Variants in TBC1D30 observed in about 807,000 individuals in gnomAD.
TBC1D30 encodes TBC1 domain family, member 30.
Under a neutral mutation model 63.2 loss-of-function variants are expected in TBC1D30, and 31 were observed. The observed-to-expected ratio is 0.49, with a 90% CI of 0.37 to 0.66. TBC1D30 has a LOEUF of 0.66. Ranked by LOEUF, TBC1D30 falls within the 30% of genes least tolerant of loss-of-function variation. The pLI is 0.00. For synonymous variants in TBC1D30, 307 were observed against 361.5 expected (o/e 0.85, Z 1.71); for missense variants, 810 against 953.6 (o/e 0.85, Z 1.98).
intron 1 of TBC1D30, 84 bp from the exon 2 acceptor site, chr12:64,827,750 AG>A (rs1874488461): frequency 2.1e-6 from 2 of 957,016 alleles, no homozygotes; most frequent in African/African-American, 3.3e-5. Context: ...GTGATGATTC[AG>A]TAGAATCAAG....
rs971803464 is a variant in TBC1D30 at position 64,786,552 on chromosome 12, G to T, written c.643+507G>T. The stretch of plus-strand genomic sequence containing the variant: ...TCACCTTGCTGGTCAGGCTGGTCAG[G>T]CTGATCTCAAACTCCTGATCTCAGG... On this transcript the variant is annotated intron_variant, in intron 2 of 12. Transcript: ENST00000542120. 5.3e-5 allele frequency among the ~76,000 whole-genome samples: 8 copies of T among 152,190 alleles called. No homozygotes were observed. In the South Asian group the frequency reaches 1.7e-3, roughly 32 times the overall value.
chr12:64,852,260 G>A (rs10047616), intron 8 of TBC1D30, among the ~76,000 whole-genome samples: 6,501 of 150,716 alleles, frequency 0.043, 451 homozygotes, highest in African/African-American at 0.15. Context: ...GCTTTATTTA[G>A]TCTCTGATAT....
At chr12:64,777,782 A>C (rs1310094867), upstream of TBC1D30, among the ~76,000 whole-genome samples, 1 of 152,186 alleles carries the variant, frequency 6.6e-6, no homozygotes, top group East Asian at 1.9e-4. Flanking sequence ...GGAACCAAAA[A>C]GGAGTCTTGC....
At chr12:64,836,397 G>A (rs762221826) in intron 5 of TBC1D30, 93 bp from the exon 6 acceptor site, 43 of 1,038,704 alleles carry the variant, frequency 4.1e-5, no homozygotes, top group Admixed American at 2.1e-4. Context: ...GGCTAACAGC[G>A]TTTTATCTAT....
chr12:64,804,844 C>T (rs1350978708), intron 2 of TBC1D30, among the ~76,000 whole-genome samples: 1 of 151,508 alleles, frequency 6.6e-6, no homozygotes, highest in East Asian at 1.9e-4. Context: ...ACCCTCAACC[C>T]TGTGATGTGG....
chr12:64,841,222 T>C (rs932147887), intron 7 of TBC1D30, among the ~76,000 whole-genome samples: 2 of 152,216 alleles, frequency 1.3e-5, no homozygotes, highest in African/African-American at 4.8e-5. Context: ...GCCTTATATA[T>C]GGTGATCCAG....
At chr12:64,808,254 C>T (rs1873000621) in intron 2 of TBC1D30, among the ~76,000 whole-genome samples, 1 of 152,136 alleles carries the variant, frequency 6.6e-6, no homozygotes, top group Non-Finnish European at 1.5e-5. Context: ...TGTAGTACTT[C>T]TATTTTTAGG....
At chr12:64,762,076 G>A (rs1418606185) in intron 1 of TBC1D30, among the ~76,000 whole-genome samples, 1 of 152,224 alleles carries the variant, frequency 6.6e-6, no homozygotes, top group Non-Finnish European at 1.5e-5. Context: ...GGCTGATTTA[G>A]TCTAAGGTGC....
At chr12:64,858,717 A>G (rs771808430) in intron 8 of TBC1D30, among the ~76,000 whole-genome samples, 1 of 152,172 alleles carries the variant, frequency 6.6e-6, no homozygotes, top group Non-Finnish European at 1.5e-5. Context: ...CTGATTTTCT[A>G]TGCTGTATAT....
At position 64,876,836 on chromosome 12, in the gene TBC1D30, C is replaced by T; in HGVS notation, c.*1048C>T. 2.2e-6 allele frequency: 1 copy of T among 456,116 alleles called. No homozygotes were observed. Among genetic ancestry groups the T allele is most frequent in the South Asian group, 1.5e-5 (1 of 64,566 alleles). 28.3% of individuals were successfully genotyped at this position (456,116 alleles called of 1,614,324 possible). On this transcript the variant is annotated 3_prime_UTR_variant, in exon 12 of 12. Coordinates refer to ENST00000539867, the MANE Select transcript of TBC1D30 (RefSeq NM_015279.2). ...CCTCTCACTCCTGCCCTTTCTAGCT[C>T]TCTCTCACCCAGCGGGTCAGGGATA...
chr12:64,838,126 T>C (rs1431379351), intron 6 of TBC1D30, among the ~76,000 whole-genome samples: 1 of 152,182 alleles, frequency 6.6e-6, no homozygotes, highest in Non-Finnish European at 1.5e-5. Flanking sequence ...GGACGCCAGA[T>C]CTTTAGTTGG....
At chr12:64,855,846 G>C (rs1877251537) in intron 8 of TBC1D30, among the ~76,000 whole-genome samples, 1 of 152,168 alleles carries the variant, frequency 6.6e-6, no homozygotes, top group South Asian at 2.1e-4. Context: ...GGATGGTGTT[G>C]ATGCTTGTAG....
intron 1 of TBC1D30, among the ~76,000 whole-genome samples, chr12:64,765,784 C>G (rs1482055240): frequency 1.4e-5 from 2 of 146,532 alleles, no homozygotes; most frequent in African/African-American, 2.5e-5. Context: ...TGGCTTGAGC[C>G]CAGGAGTTTG....
Position 64,781,352 on chromosome 12 carries a change from C to T in TBC1D30, c.478+66C>T. On this transcript the variant is annotated intron_variant, in intron 1 of 12. Transcript: ENST00000542120. ...GCCGGGTTGTCCTCGCCGTCTCTGC[C>T]CGCGCTCCAGCGCGCACCTGGGCTG... 3 of 1,041,476 alleles carry T rather than the reference C, an allele frequency of 2.9e-6. No individual in the cohort carries two copies. In the South Asian group the frequency reaches 7.7e-5, roughly 27 times the overall value. The allele number at this position is 1,041,476 out of a possible 1,614,324, so 64.5% of individuals were successfully genotyped here. A position where few individuals can be genotyped will look rare whatever the true frequency, so the allele number is the denominator to read the frequency against.
intron 2 of TBC1D30, among the ~76,000 whole-genome samples, chr12:64,790,083 A>G (rs533352683): frequency 8.5e-5 from 13 of 152,350 alleles, no homozygotes; most frequent in African/African-American, 3.1e-4. Context: ...GTGACATAAG[A>G]GGGTTCTACT....
intron 1 of TBC1D30, among the ~76,000 whole-genome samples, chr12:64,763,712 G>A (rs1439936715): frequency 1.3e-5 from 2 of 151,102 alleles, no homozygotes; most frequent in East Asian, 1.9e-4. Context: ...AGGTTCAAGC[G>A]ATTCTCCTGC....
intron 8 of TBC1D30, among the ~76,000 whole-genome samples, chr12:64,846,136 T>C (rs1876358381): frequency 6.6e-6 from 1 of 151,542 alleles, no homozygotes; most frequent in East Asian, 1.9e-4. Flanking sequence ...AAATATTTTC[T>C]CCCACTCTTT....
intron 8 of TBC1D30, among the ~76,000 whole-genome samples, chr12:64,847,162 A>T (rs1041572778): frequency 6.8e-6 from 1 of 148,006 alleles, no homozygotes; most frequent in African/African-American, 2.5e-5. Context: ...AGATTTTCTG[A>T]TTTATTGGTA....
At chr12:64,822,480 C>G (rs1406620579), upstream of TBC1D30, among the ~76,000 whole-genome samples, 1 of 151,862 alleles carries the variant, frequency 6.6e-6, no homozygotes, top group Admixed American at 6.6e-5. Flanking sequence ...AGCACCTGAC[C>G]CAGCAATTAA....
Sources: allele counts gnomAD v4.1 joint callset (sites outside exome capture counted in the v4.1 genomes callset), GRCh38; gene constraint gnomAD v4.1.1; transcripts MANE v1.5; gene names NCBI Gene and HGNC (gene_info 2026-07-23, HGNC 2026-07-21).